The following GPC5 variants were observed in gnomAD, a reference collection of about 807,000 sequenced individuals.
GPC5 encodes glypican-5.
Under a neutral mutation model 53.9 loss-of-function variants are expected in GPC5, and 47 were observed. The ratio of observed to expected loss-of-function variants is 0.87; its 90% CI spans 0.69 to 1.11. The LOEUF is 1.11. Among genes scored for constraint, GPC5 ranks in the 50% most tolerant of loss-of-function variants. The pLI is 0.00. For synonymous variants in GPC5, 286 were observed against 263.3 expected, an observed-to-expected ratio of 1.09 and a Z score of -0.84; for missense variants, 748 against 713.1, an observed-to-expected ratio of 1.05 and a Z score of -0.56.
At chr13:91,437,715 G>C (rs1051691614) in intron 1 of GPC5, among the ~76,000 whole-genome samples, 2 of 152,158 alleles carry the variant, frequency 1.3e-5, no homozygotes, top group African/African-American at 4.8e-5. Flanking sequence ...TGCATTGCTA[G>C]ACTGGGGAAG....
chr13:91,936,946 C>T lies in GPC5; in HGVS notation c.1401+28889C>T, dbSNP rs114232220. Among the ~76,000 whole-genome samples the T allele has an allele frequency of 8.5e-3, 1,298 of 152,110 alleles. 9 individuals carry two copies. Among genetic ancestry groups the T allele is most frequent in the Middle Eastern group, 0.02 (6 of 294 alleles). On this transcript the variant is annotated intron_variant, in intron 6 of 7. Transcript: ENST00000377067. ...TGCATATCTAAGTACTATATGTGAGCTGTTGCTCTACTGCTGACGGCTTAT... is the reference window on the plus strand; with the variant it reads ...TGCATATCTAAGTACTATATGTGAGTTGTTGCTCTACTGCTGACGGCTTAT...
chr13:92,044,962 T>G (rs1018650433), intron 6 of GPC5, among the ~76,000 whole-genome samples: 1 of 152,222 alleles, frequency 6.6e-6, no homozygotes, highest in Non-Finnish European at 1.5e-5. Context: ...GCACCCCATC[T>G]TATTCTAAAT....
intron 7 of GPC5, among the ~76,000 whole-genome samples, chr13:92,662,369 A>C (rs540938533): frequency 1.3e-5 from 2 of 152,272 alleles, no homozygotes; most frequent in East Asian, 3.9e-4. Flanking sequence ...TCACCACGGC[A>C]GTTTTCTTTT....
chr13:92,270,470 T>C (rs1217064781), intron 7 of GPC5, among the ~76,000 whole-genome samples: 1 of 152,152 alleles, frequency 6.6e-6, no homozygotes, highest in Non-Finnish European at 1.5e-5. Context: ...CTTTCTGCCG[T>C]GATTGTAAGT....
intron 2 of GPC5, among the ~76,000 whole-genome samples, chr13:91,653,000 G>A (rs2034754359): frequency 6.6e-6 from 1 of 152,138 alleles, no homozygotes; most frequent in Non-Finnish European, 1.5e-5. Context: ...ACACTCAATA[G>A]GACACTGATT....
At chr13:91,577,639 C>T (rs2032187624) in intron 2 of GPC5, among the ~76,000 whole-genome samples, 1 of 152,094 alleles carries the variant, frequency 6.6e-6, no homozygotes, top group African/African-American at 2.4e-5. Flanking sequence ...AAGCTTCTGT[C>T]ATAATTATGA....
chr13:91,654,244 A>T lies in GPC5; in HGVS notation c.326-38943A>T, dbSNP rs73609997. Among the ~76,000 whole-genome samples the T allele has an allele frequency of 1.8e-3, 279 of 152,318 alleles. 1 individual carries two copies. Among genetic ancestry groups the T allele is most frequent in the African/African-American group, 6.6e-3 (273 of 41,588 alleles). On this transcript the variant is annotated intron_variant, in intron 2 of 7. Transcript: ENST00000377067. ...GGCAACACATGTTCCATGATGTTTA[A>T]AATTGCACATAGATCCAGAAATTCT...
chr13:92,246,008 G>A (rs1271417044), intron 7 of GPC5, among the ~76,000 whole-genome samples: 1 of 151,838 alleles, frequency 6.6e-6, no homozygotes, highest in Non-Finnish European at 1.5e-5. Flanking sequence ...CCCATTTACT[G>A]TAAAAATACA....
chr13:92,798,511 G>T (rs1033342484), intron 7 of GPC5, among the ~76,000 whole-genome samples: 1 of 151,790 alleles, frequency 6.6e-6, no homozygotes, highest in Non-Finnish European at 1.5e-5. Flanking sequence ...TATTCAGTTT[G>T]CCATGTGTGA....
At chr13:92,287,338 G>A (rs1157092257) in intron 7 of GPC5, among the ~76,000 whole-genome samples, 2 of 152,108 alleles carry the variant, frequency 1.3e-5, no homozygotes, top group Admixed American at 1.3e-4. Flanking sequence ...TTTTGTGGTT[G>A]TTCTGTGGCG....
chr13:92,335,571 T>G (rs1009376405), intron 7 of GPC5, among the ~76,000 whole-genome samples: 2 of 152,186 alleles, frequency 1.3e-5, no homozygotes, highest in African/African-American at 2.4e-5. Context: ...AAATGGGTTT[T>G]TCTTCTCTAC....
rs542218143 is a variant in GPC5 at position 92,821,830 on chromosome 13, C to G, written c.1562-44452C>G. On this transcript the variant is annotated intron_variant, in intron 7 of 7. Coordinates refer to ENST00000377067, the MANE Select transcript of GPC5 (RefSeq NM_004466.6). ...ACATGTTCCTATGGCAAAATTAATT[C>G]CATGATCAAAACAAAAGTTTAGAAA... is the stretch of plus-strand genomic sequence containing the variant. 1.4e-3 allele frequency among the ~76,000 whole-genome samples: 214 copies of G among 152,160 alleles called. 6 individuals are homozygous for G. Among genetic ancestry groups the G allele is most frequent in the Middle Eastern group, 0.014 (4 of 294 alleles).
In GPC5 at chr13:91,907,801, G is replaced by C; in HGVS notation, c.1281-136G>C. The C allele has an allele frequency of 3.9e-6, 3 of 777,000 alleles. No homozygotes were observed. In the South Asian group the frequency reaches 5.5e-5, roughly 14 times the overall value. The allele number at this position is 777,000 out of a possible 1,614,324, so 48.1% of individuals were successfully genotyped here. A position where few individuals can be genotyped will look rare whatever the true frequency, so the allele number is the denominator to read the frequency against. On this transcript the variant is annotated intron_variant, in intron 5 of 7. Coordinates refer to ENST00000377067, the MANE Select transcript of GPC5 (RefSeq NM_004466.6). ...CTGGAAAAACATTACAGCTGTGCCAGTTTCTGTTCCAAGAGAAAAATACAT... is the reference window on the plus strand; with the variant it reads ...CTGGAAAAACATTACAGCTGTGCCACTTTCTGTTCCAAGAGAAAAATACAT...
chr13:91,764,037 A>G (rs753623360), intron 5 of GPC5, among the ~76,000 whole-genome samples: 5 of 152,206 alleles, frequency 3.3e-5, no homozygotes, highest in South Asian at 4.1e-4. Flanking sequence ...TTATTTTTAT[A>G]TATTTTTTTC....
At chr13:91,571,371 C>T (rs1426007290) in intron 2 of GPC5, among the ~76,000 whole-genome samples, 2 of 152,046 alleles carry the variant, frequency 1.3e-5, no homozygotes, top group Non-Finnish European at 2.9e-5. Context: ...AAGATCTGGT[C>T]ATTAACAGAG....
At chr13:92,158,959 C>G (rs968006726) in intron 7 of GPC5, among the ~76,000 whole-genome samples, 1 of 152,162 alleles carries the variant, frequency 6.6e-6, no homozygotes, top group African/African-American at 2.4e-5. Flanking sequence ...CCAAACTAAA[C>G]TCTTTCATTT....
chr13:92,852,069 C>A (rs1878827399), intron 7 of GPC5, among the ~76,000 whole-genome samples: 1 of 151,960 alleles, frequency 6.6e-6, no homozygotes, highest in Non-Finnish European at 1.5e-5. Context: ...AACAGGAGGA[C>A]AACAGGAAGT....
At chr13:92,793,646 T>G (rs1448001633) in intron 7 of GPC5, among the ~76,000 whole-genome samples, 1 of 151,730 alleles carries the variant, frequency 6.6e-6, no homozygotes, top group African/African-American at 2.4e-5. Flanking sequence ...GCAAGATTAA[T>G]AAGGAAGAAA....
rs145531832 is a variant in GPC5, at chr13:92,295,106, A to C, written c.1561+150117A>C. Among the ~76,000 whole-genome samples, 21 of 152,104 alleles carry C rather than the reference A, an allele frequency of 1.4e-4. No homozygotes were observed. The East Asian group carries it at 4.1e-3, about 29-fold the overall frequency. On this transcript the variant is annotated intron_variant, in intron 7 of 7. Transcript: ENST00000377067. ...TGGCTTCCCAAAATGCTGACATTAC[A>C]GGTGTGAGCCACCATGCCCGGCCCA...
Sources: gnomAD v4.1 joint callset for allele counts (sites outside exome capture counted in the v4.1 genomes callset) on GRCh38, gnomAD v4.1.1 for gene constraint, MANE v1.5 for transcripts, NCBI Gene and HGNC (gene_info 2026-07-23, HGNC 2026-07-21) for gene names.